Variants in JAKMIP3 observed in about 807,000 individuals in gnomAD.
The protein encoded by JAKMIP3 is Janus kinase and microtubule interacting protein 3, also known as janus kinase and microtubule-interacting protein 3.
JAKMIP3 carries 58 observed loss-of-function variants against 118.5 expected under a neutral mutation model. The observed-to-expected ratio is 0.49, with a 90% CI of 0.40 to 0.61. The LOEUF is 0.61. JAKMIP3 is among the 20% of genes least tolerant of loss of function. The probability of loss-of-function intolerance (pLI) is 0.00; values close to 1 mark genes in which losing one functional copy is unlikely to be tolerated. For missense variants in JAKMIP3, 950 were observed against 1,109.0 expected (o/e 0.86, Z 2.04); for synonymous variants, 486 against 451.2 (o/e 1.08, Z -0.98).
chr10:132,163,425 C>CG lies in JAKMIP3; in HGVS notation c.2424+18dup. 1 of 1,585,894 alleles carries CG rather than the reference C, an allele frequency of 6.3e-7. No homozygotes were observed. On this transcript the variant is annotated intron_variant, in intron 20 of 23. Coordinates refer to ENST00000684848, the MANE Select transcript of JAKMIP3 (RefSeq NM_001323087.2). ...GCTGGCTCAGCAGGTGTGTGGCAGG[C>CG]GGGGGCAGGGCTGGCGTGAAGACCT...
rs928606800 is a variant in JAKMIP3 at position 132,065,999 on chromosome 10, G to A, written c.-200G>A. 9.9e-5 allele frequency among the ~76,000 whole-genome samples: 15 copies of A among 152,176 alleles called. No individual in the cohort carries two copies. In the East Asian group the frequency reaches 1.7e-3, roughly 18 times the overall value. On this transcript the variant is annotated 5_prime_UTR_variant, in exon 1 of 24. Transcript: ENST00000684848. This position sits in a 1 kb window ranked among gnomAD's most constrained non-coding sequence, Gnocchi z 5.6. The stretch of plus-strand genomic sequence containing the variant: ...AGCCGGACTGAGTCTTGGACGAGCC[G>A]GGAAAGATTCTCACAGTCGAGCAGA...
intron 1 of JAKMIP3, among the ~76,000 whole-genome samples, chr10:132,097,908 C>CT (rs1564892599): frequency 4.7e-5 from 3 of 64,096 alleles, no homozygotes; most frequent in South Asian, 7.3e-4. Context: ...TCCCCTTCCC[C>CT]TTCCCCTTCC....
In JAKMIP3 at chr10:132,153,138, G is replaced by T. The variant is rs917950679; in HGVS notation, c.2073+115G>T. The T allele has an allele frequency of 6.3e-6, 5 of 792,680 alleles. No individual in the cohort carries two copies. In the Admixed American group the frequency reaches 8.5e-5, roughly 13 times the overall value. The allele number at this position is 792,680 out of a possible 1,614,324, so 49.1% of individuals were successfully genotyped here. A position where few individuals can be genotyped will look rare whatever the true frequency, so the allele number is the denominator to read the frequency against. ...GGGCCTGCAGGGCCGGGTTTGGGGG[G>T]TCCACTAAGCCCCGTCTGCCCTGGG... On this transcript the variant is annotated intron_variant, in intron 17 of 23. Coordinates refer to ENST00000684848, the MANE Select transcript of JAKMIP3 (RefSeq NM_001323087.2).
Position 132,149,981 on chromosome 10 carries a change from G to C in JAKMIP3, c.1948-1G>C. On this transcript the variant is annotated splice_acceptor_variant, in intron 15 of 23. Coordinates refer to ENST00000684848, the MANE Select transcript of JAKMIP3 (RefSeq NM_001323087.2). LOFTEE classifies it high-confidence loss of function. ...ACCCCTACCTGTCCTCTGTGCCTTA[G>C]GACATTGTGGTTGCGGAGCTGATGA... 6.5e-7 allele frequency: 1 copy of C among 1,540,168 alleles called. No individual in the cohort carries two copies. The highest frequency in any genetic ancestry group is 8.7e-7 in the Non-Finnish European group (1 of 1,146,540).
chr10:132,071,498 G>T (rs1006631074), intron 1 of JAKMIP3, among the ~76,000 whole-genome samples: 1 of 151,978 alleles, frequency 6.6e-6, no homozygotes, highest in African/African-American at 2.4e-5. Context: ...GTCCTAGGAA[G>T]TGAATATCCT....
At position 132,137,301 on chromosome 10, in the gene JAKMIP3, C is replaced by T. The variant is rs191061334; in HGVS notation, c.1284+12C>T. 256 of 1,613,734 alleles carry T rather than the reference C, an allele frequency of 1.6e-4. No individual in the cohort carries two copies. In the African/African-American group the frequency reaches 3.2e-3, roughly 20 times the overall value. ...TGAAGAGCGTGTTAGTAAGTATGGTCAGCGCCCGCTTCCCCACGCCTCCGC... is the reference window on the plus strand; with the variant it reads ...TGAAGAGCGTGTTAGTAAGTATGGTTAGCGCCCGCTTCCCCACGCCTCCGC... On this transcript the variant is annotated intron_variant, in intron 8 of 23. Transcript: ENST00000684848.
At chr10:132,102,515 C>T (rs182051998) in intron 1 of JAKMIP3, among the ~76,000 whole-genome samples, 138 of 152,360 alleles carry the variant, frequency 9.1e-4, no homozygotes, top group African/African-American at 3.2e-3. Context: ...CCGGGCCCTT[C>T]TCCCCATCCA....
rs567905545 is a variant in JAKMIP3, at chr10:132,076,038, G to A, written c.-138+9977G>A. Among the ~76,000 whole-genome samples the A allele has an allele frequency of 2.0e-5, 3 of 152,142 alleles. No homozygotes were observed. In the East Asian group the frequency reaches 5.8e-4, roughly 29 times the overall value. ...ATGTAACTCACATACCACACAGTTT[G>A]TCCACTCAAGTGTGCATTCACGGGA... On this transcript the variant is annotated intron_variant, in intron 1 of 23. Transcript: ENST00000684848.
intron 1 of JAKMIP3, among the ~76,000 whole-genome samples, chr10:132,036,867 G>A (rs928042914): frequency 2.0e-5 from 3 of 151,946 alleles, no homozygotes; most frequent in African/African-American, 7.2e-5. Context: ...CGAGGGAGGG[G>A]GTCCCGCGGC....
At chr10:132,166,009 ATTTG>A (rs1312660839) in intron 21 of JAKMIP3, among the ~76,000 whole-genome samples, 1 of 152,196 alleles carries the variant, frequency 6.6e-6, no homozygotes, top group Non-Finnish European at 1.5e-5. Flanking sequence ...ACCTAAGGAT[ATTTG>A]TTTGTATTAA....
chr10:132,137,333 C>T lies in JAKMIP3; in HGVS notation c.1284+44C>T, dbSNP rs377680487. The T allele has an allele frequency of 6.7e-5, 108 of 1,611,036 alleles. No homozygotes were observed. In the African/African-American group the frequency reaches 1.1e-3, roughly 16 times the overall value. On this transcript the variant is annotated intron_variant, in intron 8 of 23. Coordinates refer to ENST00000684848, the MANE Select transcript of JAKMIP3 (RefSeq NM_001323087.2). ...CGCTTCCCCACGCCTCCGCTCCCCA[C>T]GCAGTTGCCCGTGGGACCCATTCTG...
intron 9 of JAKMIP3, 83 bp downstream of exon 9, chr10:132,138,261 G>T: frequency 7.9e-7 from 1 of 1,270,442 alleles, no homozygotes; most frequent in Non-Finnish European, 1.1e-6. Context: ...GGAGAGCGCT[G>T]GTGTGTGCGG....
In JAKMIP3 at chr10:132,140,623, C is replaced by T. The variant is rs1319369523; in HGVS notation, c.1473+44C>T. On this transcript the variant is annotated intron_variant, in intron 10 of 23. Coordinates refer to ENST00000684848, the MANE Select transcript of JAKMIP3 (RefSeq NM_001323087.2). ...CGGGTCCTGGGCTTGGAGGAGGTAACGAGGGTCTCCTGCCGGGTCCTGGGC... is the reference window on the plus strand; with the variant it reads ...CGGGTCCTGGGCTTGGAGGAGGTAATGAGGGTCTCCTGCCGGGTCCTGGGC... 7.3e-6 allele frequency: 8 copies of T among 1,100,132 alleles called. 1 individual carries two copies. The highest frequency in any genetic ancestry group is 3.2e-5 in the South Asian group (2 of 61,716). 68.1% of individuals were successfully genotyped at this position (1,100,132 alleles called of 1,614,324 possible).
intron 19 of JAKMIP3, among the ~76,000 whole-genome samples, chr10:132,154,255 C>T (rs2056715871): frequency 6.6e-6 from 1 of 152,236 alleles, no homozygotes; most frequent in Admixed American, 6.5e-5. Flanking sequence ...AGCCTTTGTG[C>T]AGGTCACTCA....
intron 1 of JAKMIP3, among the ~76,000 whole-genome samples, chr10:132,100,062 C>T (rs905824779): frequency 3.3e-5 from 5 of 152,326 alleles, no homozygotes; most frequent in African/African-American, 1.2e-4. Flanking sequence ...AGCTTGCACC[C>T]ACCCTGGCTC....
At chr10:132,127,417 T>TGC (rs1554941640) in intron 3 of JAKMIP3, among the ~76,000 whole-genome samples, 39 of 150,090 alleles carry the variant, frequency 2.6e-4, no homozygotes, top group East Asian at 7.9e-4. Context: ...TGTGTGTGTG[T>TGC]GCGTGTGTGT....
rs764601335 is a variant in JAKMIP3 at position 132,104,932 on chromosome 10, G to C, written c.124G>C (p.Glu42Gln). The change falls in exon 2 of 24, where the codon GAG becomes CAG. Residue 42 changes from glutamate (E) to glutamine (Q), a missense_variant. Transcript: ENST00000684848. ...LTDIQIELQQ[E>Q]KSKVSKVERE... is the part of the protein sequence containing the mutation. ...AGACATCCAGATCGAGCTGCAGCAGGAGAAGAGCAAGGTGGGCGCTCCCCA... is the reference window on the plus strand; with the variant it reads ...AGACATCCAGATCGAGCTGCAGCAGCAGAAGAGCAAGGTGGGCGCTCCCCA... 7 of 1,591,806 alleles carry C rather than the reference G, an allele frequency of 4.4e-6. No homozygotes were observed. The highest frequency in any genetic ancestry group is 2.3e-5 in the South Asian group (2 of 87,196).
At position 132,104,757 on chromosome 10, in the gene JAKMIP3, C is replaced by T. The variant is rs1309957003; in HGVS notation, c.-52C>T. The T allele has an allele frequency of 1.1e-5, 17 of 1,534,740 alleles. No individual in the cohort carries two copies. The highest frequency in any genetic ancestry group is 1.5e-5 in the Non-Finnish European group (17 of 1,136,392). ...GACACCCCAGCCACCCCCAGCCCAG[C>T]CCAGCCGGAGCACCCTACCCCTGGG... On this transcript the variant is annotated 5_prime_UTR_variant, in exon 2 of 24. Transcript: ENST00000684848.
Position 132,167,849 on chromosome 10 carries a change from G to A in JAKMIP3, c.*23-104G>A, listed in dbSNP as rs1169365049. The A allele has an allele frequency of 2.2e-3, 863 of 387,750 alleles. 2 individuals carry two copies. Among genetic ancestry groups the A allele is most frequent in the African/African-American group, 3.1e-3 (98 of 32,124 alleles). The allele number at this position is 387,750 out of a possible 1,614,324, so 24.0% of individuals were successfully genotyped here. On this transcript the variant is annotated intron_variant, in intron 22 of 23. Transcript: ENST00000684848. ...CCTCACCCCTCGGCCCTCGCCCCTC[G>A]CCCCTCACCCCTCGGCCCTCGCCCC...
Sources: allele counts gnomAD v4.1 joint callset (sites outside exome capture counted in the v4.1 genomes callset), GRCh38; gene constraint gnomAD v4.1.1; non-coding constraint Gnocchi (gnomAD v3.1); transcripts MANE v1.5; gene names NCBI Gene and HGNC (gene_info 2026-07-23, HGNC 2026-07-21).